ADAMTSL1: variants seen among roughly 807,000 people sequenced by gnomAD.
The protein encoded by ADAMTSL1 is ADAMTS-like protein 1.
Under a neutral mutation model 201.8 loss-of-function variants are expected in ADAMTSL1, and 126 were observed. The ratio of observed to expected loss-of-function variants is 0.62; its 90% CI spans 0.54 to 0.72. The LOEUF (loss-of-function observed/expected upper bound fraction) is 0.72, where lower values mean the gene tolerates loss of function less well. Ranked by LOEUF, ADAMTSL1 falls within the 30% of genes least tolerant of loss-of-function variation. ADAMTSL1 has a pLI of 0.00. For missense variants in ADAMTSL1, 2,679 were observed against 2,277.8 expected (o/e 1.18, Z -3.59); for synonymous variants, 1,121 against 903.4 (o/e 1.24, Z -4.32).
intron 2 of ADAMTSL1, among the ~76,000 whole-genome samples, chr9:18,176,010 A>T: frequency 2.0e-5 from 1 of 48,794 alleles, no homozygotes; most frequent in South Asian, 1.0e-3. Context: ...GGGAAAGCAA[A>T]AAAAAAAAAA....
intron 16 of ADAMTSL1, among the ~76,000 whole-genome samples, chr9:18,757,290 CTCA>C (rs982247942): frequency 1.1e-3 from 167 of 152,054 alleles, no homozygotes; most frequent in African/African-American, 3.6e-3. Context: ...ATTAAATACA[CTCA>C]TCATCATCCT....
intron 2 of ADAMTSL1, among the ~76,000 whole-genome samples, chr9:18,175,537 C>T (rs1409172545): frequency 6.6e-6 from 1 of 152,200 alleles, no homozygotes; most frequent in Non-Finnish European, 1.5e-5. Context: ...TCTAATCTTG[C>T]TTCTGACAAT....
chr9:18,549,006 G>A (rs561478245), intron 3 of ADAMTSL1, among the ~76,000 whole-genome samples: 9 of 151,968 alleles, frequency 5.9e-5, no homozygotes, highest in South Asian at 4.2e-4. Flanking sequence ...GAGATACAGA[G>A]AGTGTACAAA....
intron 26 of ADAMTSL1, among the ~76,000 whole-genome samples, chr9:18,895,499 G>T (rs1452763449): frequency 6.6e-6 from 1 of 150,418 alleles, no homozygotes; most frequent in East Asian, 2.0e-4. Flanking sequence ...ATCTGCAGAA[G>T]GAACACAGAC....
Position 18,841,213 on chromosome 9 carries a change from T to G in ADAMTSL1, c.4249+11236T>G, listed in dbSNP as rs200608475. On this transcript the variant is annotated intron_variant, in intron 23 of 28. Transcript: ENST00000380548. ...CTTATTATTTTGAGATACATCCCAT[T>G]AATACCTAATTTATTGAGAGTTTTT... is the stretch of plus-strand genomic sequence containing the variant. 1.5e-3 allele frequency among the ~76,000 whole-genome samples: 225 copies of G among 152,208 alleles called. 5 individuals carry two copies. The South Asian group carries it at 0.046, about 31-fold the overall frequency.
At chr9:18,475,949 A>G (rs1378206157) in intron 1 of ADAMTSL1, among the ~76,000 whole-genome samples, 2 of 152,170 alleles carry the variant, frequency 1.3e-5, no homozygotes, top group African/African-American at 4.8e-5. Flanking sequence ...GAATATTCAT[A>G]TATGTATTAG....
chr9:18,639,194 G>A, intron 6 of ADAMTSL1, 60 bp from the exon 7 acceptor site: 1 of 1,528,592 alleles, frequency 6.5e-7, no homozygotes. Context: ...CATGAAATGT[G>A]CTTGCCTGTG....
At chr9:18,598,101 TTAA>T (rs972991476) in intron 4 of ADAMTSL1, among the ~76,000 whole-genome samples, 1 of 152,148 alleles carries the variant, frequency 6.6e-6, no homozygotes, top group African/African-American at 2.4e-5. Flanking sequence ...ATCTGTGTGG[TTAA>T]TAGAACAACA....
chr9:17,919,349 C>T (rs1176618426), intron 1 of ADAMTSL1, among the ~76,000 whole-genome samples: 1 of 151,692 alleles, frequency 6.6e-6, no homozygotes, highest in African/African-American at 2.4e-5. Context: ...GGAATCCAGA[C>T]TCCATTTTAA....
At chr9:18,582,609 G>A (rs1435506310) in intron 4 of ADAMTSL1, among the ~76,000 whole-genome samples, 1 of 152,116 alleles carries the variant, frequency 6.6e-6, no homozygotes, top group Non-Finnish European at 1.5e-5. Flanking sequence ...AGCACTTTGG[G>A]AGGCTGAGGT....
At chr9:18,293,323 A>G (rs1385701374) in intron 2 of ADAMTSL1, among the ~76,000 whole-genome samples, 1 of 152,210 alleles carries the variant, frequency 6.6e-6, no homozygotes, top group Admixed American at 6.5e-5. Context: ...CAGCAATAAA[A>G]CTTTATTTTA....
chr9:17,907,113 G>C (rs1407683253), intron 1 of ADAMTSL1, among the ~76,000 whole-genome samples: 1 of 152,160 alleles, frequency 6.6e-6, no homozygotes, highest in Non-Finnish European at 1.5e-5. Flanking sequence ...CGATCGGGTC[G>C]ATCTCTGCGT....
chr9:18,735,498 G>T (rs1453609001), intron 15 of ADAMTSL1, among the ~76,000 whole-genome samples: 1 of 152,156 alleles, frequency 6.6e-6, no homozygotes, highest in Non-Finnish European at 1.5e-5. Context: ...GATGTCATTG[G>T]AAGATTTGCT....
chr9:18,205,478 GA>G (rs555234340), intron 2 of ADAMTSL1, among the ~76,000 whole-genome samples: 35 of 148,384 alleles, frequency 2.4e-4, no homozygotes, highest in South Asian at 6.5e-4. Flanking sequence ...GTAAATCTGG[GA>G]AAAAAAAACG....
intron 7 of ADAMTSL1, 51 bp downstream of exon 7, chr9:18,639,462 A>T: frequency 6.3e-7 from 1 of 1,580,856 alleles, no homozygotes; most frequent in Non-Finnish European, 8.6e-7. Context: ...AAATGATGTT[A>T]CTTATAATTT....
At chr9:18,496,316 A>C (rs528576100) in intron 1 of ADAMTSL1, among the ~76,000 whole-genome samples, 2 of 152,218 alleles carry the variant, frequency 1.3e-5, no homozygotes, top group African/African-American at 4.8e-5. Flanking sequence ...GAATGTAAAA[A>C]AGAAGAAAGC....
chr9:18,513,613 T>G (rs866527292), intron 2 of ADAMTSL1, among the ~76,000 whole-genome samples: 1 of 152,226 alleles, frequency 6.6e-6, no homozygotes, highest in African/African-American at 2.4e-5. Context: ...CAGTTGGAGT[T>G]TTATAGTTTC....
In ADAMTSL1 at chr9:17,924,599, G is replaced by A. The variant is rs1275573132; in HGVS notation, c.87+17677G>A. Among the ~76,000 whole-genome samples, 53 of 149,280 alleles carry A rather than the reference G, an allele frequency of 3.6e-4. No individual in the cohort carries two copies. In the East Asian group the frequency reaches 7.6e-3, roughly 21 times the overall value. ...GACAAACCTGAGAAAAACAAGCAATGGGGAAAGGATTCCCTATTTAATAAA... is the reference window on the plus strand; with the variant it reads ...GACAAACCTGAGAAAAACAAGCAATAGGGAAAGGATTCCCTATTTAATAAA... On this transcript the variant is annotated intron_variant, in intron 1 of 29. Transcript: ENST00000680146.
Position 18,714,869 on chromosome 9 carries a change from A to G in ADAMTSL1, c.1877-6667A>G, listed in dbSNP as rs552866883. ...CCTCAGTAAAATACTGGCAAACCAA[A>G]TCCAGCAGCACATCAAAAAGCTTAT... is the stretch of plus-strand genomic sequence containing the variant. On this transcript the variant is annotated intron_variant, in intron 14 of 28. Transcript: ENST00000380548. Among the ~76,000 whole-genome samples, 4 of 151,248 alleles carry G rather than the reference A, an allele frequency of 2.6e-5. No individual in the cohort carries two copies. In the South Asian group the frequency reaches 8.4e-4, roughly 32 times the overall value.
Sources: allele counts gnomAD v4.1 joint callset (sites outside exome capture counted in the v4.1 genomes callset), GRCh38; gene constraint gnomAD v4.1.1; transcripts MANE v1.5; gene names NCBI Gene and HGNC (gene_info 2026-07-23, HGNC 2026-07-21).